The following IL17RD variants were observed in gnomAD, a reference collection of about 807,000 sequenced individuals.
IL17RD encodes interleukin 17 receptor D.
Under a neutral mutation model 80.5 loss-of-function variants are expected in IL17RD, and 52 were observed. The ratio of observed to expected loss-of-function variants is 0.65; its 90% CI spans 0.52 to 0.81. The LOEUF (loss-of-function observed/expected upper bound fraction) is 0.81, where lower values mean the gene tolerates loss of function less well. Among genes scored for constraint, IL17RD ranks in the 40% least tolerant of loss-of-function variants. IL17RD has a pLI of 0.00. For synonymous variants in IL17RD, 416 were observed against 391.8 expected, an observed-to-expected ratio of 1.06 and a Z score of -0.73; for missense variants, 1,024 against 955.1, an observed-to-expected ratio of 1.07 and a Z score of -0.95.
Position 57,096,459 on chromosome 3 carries a change from C to T in IL17RD, c.2154G>A (p.Gly718=). 6.2e-7 allele frequency: 1 copy of T among 1,613,902 alleles called. No homozygotes were observed. The highest frequency in any genetic ancestry group is 8.5e-7 in the Non-Finnish European group (1 of 1,179,828). ...GGCAACCAAGATCTGCTTTGCATGACCCAGAAGAGAGGAGCTTGGAAGGAA... is the reference window on the plus strand; with the variant it reads ...GGCAACCAAGATCTGCTTTGCATGATCCAGAAGAGAGGAGCTTGGAAGGAA... ...PALPSKLLSS[G]SCKADLGCRS... is the part of the protein sequence containing the mutation. The change falls in exon 13 of 13, where the codon GGG becomes GGA. Residue 718 remains glycine, a synonymous_variant. Transcript: ENST00000296318.
At chr3:57,144,556 A>G (rs1450620880) in intron 1 of IL17RD, among the ~76,000 whole-genome samples, 1 of 152,220 alleles carries the variant, frequency 6.6e-6, no homozygotes, top group Non-Finnish European at 1.5e-5. Flanking sequence ...TAAGTCCAGG[A>G]TCTTCACTCT....
At chr3:57,142,389 G>GGTAGGA (rs1475575691) in intron 1 of IL17RD, 12 of 580,176 alleles carry the variant, frequency 2.1e-5, no homozygotes, top group Middle Eastern at 3.1e-4. Context: ...AGAAACAAAG[G>GGTAGGA]GTAGGAGAGA....
In IL17RD at chr3:57,106,057, C is replaced by G. The variant is rs189188372; in HGVS notation, c.596-49G>C. 4,634 of 1,612,132 alleles carry G rather than the reference C, an allele frequency of 2.9e-3. 33 individuals are homozygous for G. The highest frequency in any genetic ancestry group is 0.017 in the South Asian group (1,545 of 90,976). On this transcript the variant is annotated intron_variant, in intron 6 of 12. Transcript: ENST00000296318. ...TGAGCAACCAGAGGCTACCCTAACA[C>G]CATCATAGTGGCGATACTTTGAGAC...
intron 1 of IL17RD, among the ~76,000 whole-genome samples, chr3:57,133,674 C>G (rs149014837): frequency 0.024 from 3,666 of 152,202 alleles, 68 homozygotes; most frequent in Non-Finnish European, 0.034. Context: ...CCCTGCACTC[C>G]CTCTCCAAGG....
upstream of IL17RD, chr3:57,169,411 T>TA (rs2060360643): frequency 3.6e-6 from 1 of 274,660 alleles, no homozygotes; most frequent in South Asian, 3.0e-5. Context: ...ATTAAACAGA[T>TA]AAAATCACCT....
At chr3:57,100,885 G>A (rs1706811889) in intron 11 of IL17RD, among the ~76,000 whole-genome samples, 1 of 152,194 alleles carries the variant, frequency 6.6e-6, no homozygotes, top group Non-Finnish European at 1.5e-5. Context: ...ATGTTTCCAC[G>A]GAAGCTACTG....
At chr3:57,156,081 G>C (rs1579321270) in intron 1 of IL17RD, among the ~76,000 whole-genome samples, 1 of 152,134 alleles carries the variant, frequency 6.6e-6, no homozygotes, top group Non-Finnish European at 1.5e-5. Context: ...GATGCAGAAG[G>C]GAACAAAACA....
Position 57,091,991 on chromosome 3 carries a change from T to C in IL17RD, c.*4402A>G, listed in dbSNP as rs1003886684. 1.3e-5 allele frequency: 2 copies of C among 152,572 alleles called. No homozygotes were observed. The highest frequency in any genetic ancestry group is 2.4e-5 in the African/African-American group (1 of 41,552). The allele number at this position is 152,572 out of a possible 1,614,324, so 9.5% of individuals were successfully genotyped here. On this transcript the variant is annotated 3_prime_UTR_variant, in exon 13 of 13. Coordinates refer to ENST00000296318, the MANE Select transcript of IL17RD (RefSeq NM_017563.5). ...TTTCACTCTGAGCCTGGAAAGGAGG[T>C]GATATGGCAAGGATGACCCAACACC... is the stretch of plus-strand genomic sequence containing the variant.
rs980057814 is a variant in IL17RD, at chr3:57,165,150, C to T, written c.126+11G>A. On this transcript the variant is annotated intron_variant, in intron 1 of 12. Transcript: ENST00000296318. Reference sequence around the variant, plus strand: ...TTGGCGACGGCAAGAAACCCGCCGCCCTCGCCTTACCCTCCAGCCACAGGT... The same window carrying T: ...TTGGCGACGGCAAGAAACCCGCCGCTCTCGCCTTACCCTCCAGCCACAGGT... The T allele has an allele frequency of 2.0e-6, 3 of 1,518,578 alleles. No individual in the cohort carries two copies. In the Admixed American group the frequency reaches 6.2e-5, roughly 31 times the overall value. 94.1% of individuals were successfully genotyped at this position (1,518,578 alleles called of 1,614,324 possible).
At chr3:57,130,121 T>C (rs1202210435) in intron 1 of IL17RD, among the ~76,000 whole-genome samples, 2 of 152,258 alleles carry the variant, frequency 1.3e-5, no homozygotes, top group African/African-American at 4.8e-5. Context: ...AAAAGTTTAC[T>C]AGAACCTTTG....
Position 57,114,790 on chromosome 3 carries a change from C to T in IL17RD, c.212G>A (p.Gly71Glu). ...DNCTTYLNPVGKHVIADAQNI... is the reference protein window; with the variant it reads ...DNCTTYLNPVEKHVIADAQNI... ...CTGGGCGTCAGCAATCACATGCTTC[C>T]CCACTGGATTCAAGTAGGTGGTACA... The change falls in exon 3 of 13, where the codon GGG (glycine) becomes GAG (glutamate). Residue 71 changes from glycine (G) to glutamate (E), a missense_variant. Transcript: ENST00000296318. The T allele has an allele frequency of 6.2e-7, 1 of 1,609,242 alleles. No individual in the cohort carries two copies. The highest frequency in any genetic ancestry group is 8.5e-7 in the Non-Finnish European group (1 of 1,177,864).
At chr3:57,135,927 C>A (rs1159528323) in intron 1 of IL17RD, among the ~76,000 whole-genome samples, 1 of 152,160 alleles carries the variant, frequency 6.6e-6, no homozygotes, top group African/African-American at 2.4e-5. Context: ...CACGTTGATA[C>A]GCTGGTAGGT....
intron 1 of IL17RD, among the ~76,000 whole-genome samples, chr3:57,163,632 A>C (rs997591032): frequency 6.6e-5 from 10 of 152,168 alleles, no homozygotes; most frequent in Non-Finnish European, 1.5e-4. Flanking sequence ...TAGGATCCTT[A>C]AGTCAACACG....
Position 57,098,470 on chromosome 3 carries a change from C to A in IL17RD, c.1233G>T (p.Lys411Asn). 6.2e-7 allele frequency: 1 copy of A among 1,613,884 alleles called. No individual in the cohort carries two copies. The highest frequency in any genetic ancestry group is 1.1e-5 in the South Asian group (1 of 91,058). Residue 411 changes from lysine to asparagine, a missense_variant, in exon 12 of 13, where the codon AAG becomes AAT. By Grantham distance (94) the Lys-to-Asn change is moderately conservative. Coordinates refer to ENST00000296318, the MANE Select transcript of IL17RD (RefSeq NM_017563.5). ...REGQREWVIQ[K>N]IHESQFIIVV... is the part of the protein sequence containing the mutation. ...CAATGATGAACTGGGACTCGTGGAT[C>A]TTCTGGATGACCCATTCTCTCTGCC...
At chr3:57,160,489 A>T (rs148667206) in intron 1 of IL17RD, among the ~76,000 whole-genome samples, 1 of 151,998 alleles carries the variant, frequency 6.6e-6, no homozygotes, top group Non-Finnish European at 1.5e-5. Flanking sequence ...GGAGGAACTC[A>T]GGGGAAGTGT....
chr3:57,113,021 T>A (rs191529450), intron 3 of IL17RD, among the ~76,000 whole-genome samples: 1 of 152,290 alleles, frequency 6.6e-6, no homozygotes, highest in Non-Finnish European at 1.5e-5. Context: ...TGGGGTTCAG[T>A]GAGGTTCAAT....
chr3:57,146,296 C>A (rs890637619), intron 1 of IL17RD, among the ~76,000 whole-genome samples: 1 of 152,200 alleles, frequency 6.6e-6, no homozygotes, highest in African/African-American at 2.4e-5. Flanking sequence ...ACACTCTCTA[C>A]TAAGCGACAT....
At chr3:57,116,389 TTCTCCTGCCTCAGCC>T (rs1707217483) in intron 2 of IL17RD, among the ~76,000 whole-genome samples, 1 of 151,712 alleles carries the variant, frequency 6.6e-6, no homozygotes, top group Non-Finnish European at 1.5e-5. Context: ...GTTGAAGCGA[TTCTCCTGCCTCAGCC>T]TCCCGAGTAG....
intron 1 of IL17RD, among the ~76,000 whole-genome samples, chr3:57,130,750 T>C (rs1040852762): frequency 7.2e-5 from 11 of 152,166 alleles, no homozygotes; most frequent in Admixed American, 7.2e-4. Context: ...AGATAGCAAG[T>C]CCTGAAACAT....
Sources: gnomAD v4.1 joint callset for allele counts (sites outside exome capture counted in the v4.1 genomes callset) on GRCh38, gnomAD v4.1.1 for gene constraint, MANE v1.5 for transcripts, NCBI Gene and HGNC (gene_info 2026-07-23, HGNC 2026-07-21) for gene names.